The following CCDC85C variants were observed in gnomAD, a reference collection of about 807,000 sequenced individuals.
CCDC85C encodes the protein coiled-coil domain-containing protein 85C.
CCDC85C carries 18 observed loss-of-function variants against 38.3 expected under a neutral mutation model. The observed-to-expected ratio is 0.47, with a 90% CI of 0.33 to 0.70. The LOEUF (loss-of-function observed/expected upper bound fraction) is 0.70. CCDC85C is among the 30% of genes least tolerant of loss of function. The pLI, the probability that CCDC85C is intolerant of heterozygous loss-of-function variation, is 0.03. For missense variants in CCDC85C, 566 were observed against 621.2 expected (o/e 0.91, Z 0.94); for synonymous variants, 264 against 293.8 (o/e 0.90, Z 1.04).
chr14:99,595,470 C>T (rs1274983269), intron 1 of CCDC85C, among the ~76,000 whole-genome samples: 1 of 152,214 alleles, frequency 6.6e-6, no homozygotes, highest in Non-Finnish European at 1.5e-5. Context: ...TGGTCTTGAA[C>T]TCCTGACCTC....
chr14:99,501,175 G>A lies in CCDC85C; in HGVS notation c.*14071C>T. 1 of 617,202 alleles carries A rather than the reference G, an allele frequency of 1.6e-6. No homozygotes were observed. The highest frequency in any genetic ancestry group is 2.0e-5 in the South Asian group (1 of 50,162). The allele number at this position is 617,202 out of a possible 1,614,324, so 38.2% of individuals were successfully genotyped here. On this transcript the variant is annotated 3_prime_UTR_variant, in exon 6 of 6. Transcript: ENST00000380243. ...TTCCATACATGGTGGTTCAGCGTAG[G>A]TCATGAGGAGGAAGAAGGGGTAGGA...
At position 99,503,958 on chromosome 14, in the gene CCDC85C, C is replaced by G. The variant is rs1036579538; in HGVS notation, c.*11288G>C. The G allele has an allele frequency of 2.1e-5, 8 of 374,488 alleles. No homozygotes were observed. The highest frequency in any genetic ancestry group is 1.7e-4 in the African/African-American group (8 of 47,050). 23.2% of individuals were successfully genotyped at this position (374,488 alleles called of 1,614,324 possible). Reference sequence around the variant, plus strand: ...TTTATTTTTAGAGACTATTTACCCCCATCACAGCAGCAGGAGTCCTCTCCC... The same window carrying G: ...TTTATTTTTAGAGACTATTTACCCCGATCACAGCAGCAGGAGTCCTCTCCC... On this transcript the variant is annotated 3_prime_UTR_variant, in exon 6 of 6. Coordinates refer to ENST00000380243, the MANE Select transcript of CCDC85C (RefSeq NM_001144995.2).
intron 2 of CCDC85C, among the ~76,000 whole-genome samples, chr14:99,529,844 G>T (rs2139910404): frequency 6.6e-6 from 1 of 152,356 alleles, no homozygotes; most frequent in Non-Finnish European, 1.5e-5. Context: ...GCCCACAATG[G>T]ACAGGAAAGA....
At chr14:99,541,041 C>T (rs994175321) in intron 1 of CCDC85C, among the ~76,000 whole-genome samples, 2 of 152,150 alleles carry the variant, frequency 1.3e-5, no homozygotes, top group African/African-American at 4.8e-5. Flanking sequence ...CACCTCCCCT[C>T]CAGACTTTGC....
In CCDC85C at chr14:99,535,671, TC is replaced by T. The variant is rs1595348133; in HGVS notation, c.867+343del. Among the ~76,000 whole-genome samples, 2 of 151,936 alleles carry T rather than the reference TC, an allele frequency of 1.3e-5. No homozygotes were observed. The highest frequency in any genetic ancestry group is 6.5e-5 in the Admixed American group (1 of 15,298). ...CCAGCACGGCAGAGGCGGGGAGGCT[TC>T]CGTGTGAGTCTGCCCCATCTCCTGC... is the stretch of plus-strand genomic sequence containing the variant. On this transcript the variant is annotated intron_variant, in intron 2 of 5. Coordinates refer to ENST00000380243, the MANE Select transcript of CCDC85C (RefSeq NM_001144995.2). This position sits in a 1 kb window ranked among gnomAD's most constrained non-coding sequence, Gnocchi z 5.5.
rs1034399286 is a variant in CCDC85C at position 99,506,288 on chromosome 14, T to G, written c.*8958A>C. The G allele has an allele frequency of 6.6e-6, 1 of 152,232 alleles. No homozygotes were observed. Among genetic ancestry groups the G allele is most frequent in the Non-Finnish European group, 1.5e-5 (1 of 68,054 alleles). 9.4% of individuals were successfully genotyped at this position (152,232 alleles called of 1,614,324 possible). A position where few individuals can be genotyped will look rare whatever the true frequency, so the allele number is the denominator to read the frequency against. ...GGTGTACAAGCCAGAAGAAAGTACA[T>G]TTCAGGAAGAAAAAGCCTCAGCATG... On this transcript the variant is annotated 3_prime_UTR_variant, in exon 6 of 6. Coordinates refer to ENST00000380243, the MANE Select transcript of CCDC85C (RefSeq NM_001144995.2).
rs116077310 is a variant in CCDC85C, at chr14:99,526,412, T to C, written c.868-4172A>G. On this transcript the variant is annotated intron_variant, in intron 2 of 5. Transcript: ENST00000380243. ...TCACTGTGCAGTCCCCAGGCTGGGA[T>C]GGGAGCCAGGTTGGAGGACAGGGAG... Among the ~76,000 whole-genome samples the C allele has an allele frequency of 6.0e-3, 910 of 152,334 alleles. 9 individuals carry two copies. The highest frequency in any genetic ancestry group is 0.021 in the African/African-American group (869 of 41,570).
In CCDC85C at chr14:99,501,945, C is replaced by T. The variant is rs569914357; in HGVS notation, c.*13301G>A. On this transcript the variant is annotated 3_prime_UTR_variant, in exon 6 of 6. Coordinates refer to ENST00000380243, the MANE Select transcript of CCDC85C (RefSeq NM_001144995.2). ...TTTCAACAGTTTAAATAACATAAGT[C>T]ATTTTCATTGGTGTAGCAATTTTTG... is the stretch of plus-strand genomic sequence containing the variant. 81 of 320,144 alleles carry T rather than the reference C, an allele frequency of 2.5e-4. 1 individual carries two copies. The highest frequency in any genetic ancestry group is 1.9e-3 in the Middle Eastern group (2 of 1,072). The allele number at this position is 320,144 out of a possible 1,614,324, so 19.8% of individuals were successfully genotyped here. A position where few individuals can be genotyped will look rare whatever the true frequency, so the allele number is the denominator to read the frequency against.
rs2140000920 is a variant in CCDC85C, at chr14:99,603,466, C to T, written c.494G>A (p.Ser165Asn). ...GCCGCCCCCGCCGCCGCCGCCACCG[C>T]TTGCGGCCCCCGTCGCCGCCAGTGC... ...RAALAATGAASGGGGGGGGAG... is the reference protein window; with the variant it reads ...RAALAATGAANGGGGGGGGAG... The change falls in exon 1 of 6, where the codon AGC (serine) becomes AAC (asparagine). Residue 165 changes from serine to asparagine, a missense_variant. Around this residue, in one of 3 missense-constraint regions of CCDC85C, gnomAD observed 269 missense variants for 308.2 expected, o/e 0.87. Transcript: ENST00000380243. The surrounding 1 kb of genome is among the most constrained non-coding windows in gnomAD (Gnocchi z 7.5). 8 of 1,286,262 alleles carry T rather than the reference C, an allele frequency of 6.2e-6. No individual in the cohort carries two copies. Among genetic ancestry groups the T allele is most frequent in the African/African-American group, 1.6e-5 (1 of 64,242 alleles). The allele number at this position is 1,286,262 out of a possible 1,614,324, so 79.7% of individuals were successfully genotyped here.
intron 2 of CCDC85C, among the ~76,000 whole-genome samples, chr14:99,523,387 G>A (rs1034408098): frequency 2.0e-5 from 3 of 152,164 alleles, no homozygotes; most frequent in African/African-American, 7.2e-5. Context: ...CAGCTCTTGT[G>A]TTCTCCCAGC....
At position 99,506,758 on chromosome 14, in the gene CCDC85C, C is replaced by T. The variant is rs1896985619; in HGVS notation, c.*8488G>A. On this transcript the variant is annotated 3_prime_UTR_variant, in exon 6 of 6. Coordinates refer to ENST00000380243, the MANE Select transcript of CCDC85C (RefSeq NM_001144995.2). Reference sequence around the variant, plus strand: ...GAGGACTCCAGATAGGTCATACATGCTCATGAAGACGTTGCTCTGCTGGTC... The same window carrying T: ...GAGGACTCCAGATAGGTCATACATGTTCATGAAGACGTTGCTCTGCTGGTC... The T allele has an allele frequency of 5.4e-6, 2 of 369,098 alleles. No individual in the cohort carries two copies. The highest frequency in any genetic ancestry group is 4.6e-5 in the South Asian group (2 of 43,380). The allele number at this position is 369,098 out of a possible 1,614,324, so 22.9% of individuals were successfully genotyped here.
chr14:99,578,848 C>G (rs891246264), intron 1 of CCDC85C, among the ~76,000 whole-genome samples: 2 of 152,204 alleles, frequency 1.3e-5, no homozygotes, highest in Non-Finnish European at 2.9e-5. Context: ...ATGTAATAAT[C>G]TGCTGGAAGG....
intron 1 of CCDC85C, among the ~76,000 whole-genome samples, chr14:99,551,137 T>C (rs1313086764): frequency 6.6e-6 from 1 of 152,196 alleles, no homozygotes; most frequent in East Asian, 1.9e-4. Flanking sequence ...AAACCAATGC[T>C]AATTCCATAT....
rs140358918 is a variant in CCDC85C, at chr14:99,564,196, T to C, written c.794-28108A>G. On this transcript the variant is annotated intron_variant, in intron 1 of 5. Coordinates refer to ENST00000380243, the MANE Select transcript of CCDC85C (RefSeq NM_001144995.2). ...AAGTTTCTTGTTTTGTTGTTTGTTC[T>C]GCGCAGTGAAGGGGACAGACAGGTG... Among the ~76,000 whole-genome samples the C allele has an allele frequency of 2.2e-3, 340 of 152,368 alleles. 2 individuals carry two copies. The highest frequency in any genetic ancestry group is 7.7e-3 in the African/African-American group (320 of 41,592).
intron 3 of CCDC85C, among the ~76,000 whole-genome samples, chr14:99,521,555 G>T (rs1025404178): frequency 3.3e-5 from 5 of 152,190 alleles, no homozygotes; most frequent in African/African-American, 1.2e-4. Context: ...ACCCACCAAG[G>T]CTCCTGGAGG....
rs148006402 is a variant in CCDC85C at position 99,589,021 on chromosome 14, T to C, written c.793+14146A>G. Among the ~76,000 whole-genome samples the C allele has an allele frequency of 7.4e-3, 1,126 of 151,578 alleles. 14 individuals are homozygous for C. Among genetic ancestry groups the C allele is most frequent in the African/African-American group, 0.026 (1,076 of 41,212 alleles). On this transcript the variant is annotated intron_variant, in intron 1 of 5. Transcript: ENST00000380243. ...GGAAGAAGTCCAGGAAGCAGATGTT[T>C]TCATGAAAACATCGACCCAACCCTA...
chr14:99,546,394 G>C lies in CCDC85C; in HGVS notation c.794-10306C>G, dbSNP rs575367909. On this transcript the variant is annotated intron_variant, in intron 1 of 5. Transcript: ENST00000380243. The stretch of plus-strand genomic sequence containing the variant: ...CGGCTCAGGAAACAGGGAAATCCAG[G>C]CTTGGCTGGGTCATCACAGCCAGCA... Among the ~76,000 whole-genome samples the C allele has an allele frequency of 3.3e-4, 50 of 152,110 alleles. No individual in the cohort carries two copies. In the East Asian group the frequency reaches 9.0e-3, roughly 27 times the overall value.
At position 99,563,724 on chromosome 14, in the gene CCDC85C, T is replaced by C. The variant is rs999165905; in HGVS notation, c.794-27636A>G. Reference sequence around the variant, plus strand: ...ATAAATCACCCACTCCCGTGGGCCGTGCTGGCCTCCATGTGCCAGCATCCC... The same window carrying C: ...ATAAATCACCCACTCCCGTGGGCCGCGCTGGCCTCCATGTGCCAGCATCCC... On this transcript the variant is annotated intron_variant, in intron 1 of 5. Coordinates refer to ENST00000380243, the MANE Select transcript of CCDC85C (RefSeq NM_001144995.2). Among the ~76,000 whole-genome samples the C allele has an allele frequency of 3.3e-5, 5 of 152,106 alleles. No homozygotes were observed. In the South Asian group the frequency reaches 6.2e-4, roughly 19 times the overall value.
intron 1 of CCDC85C, among the ~76,000 whole-genome samples, chr14:99,566,792 G>T (rs1898223552): frequency 6.6e-6 from 1 of 152,152 alleles, no homozygotes; most frequent in Non-Finnish European, 1.5e-5. Flanking sequence ...CCCAACGAGG[G>T]GGCCTGCAGG....
Sources: allele counts gnomAD v4.1 joint callset (sites outside exome capture counted in the v4.1 genomes callset), GRCh38; gene constraint gnomAD v4.1.1; regional missense constraint gnomAD v4.1.1; non-coding constraint Gnocchi (gnomAD v3.1); transcripts MANE v1.5; gene names NCBI Gene and HGNC (gene_info 2026-07-23, HGNC 2026-07-21).